The following PREX2 variants were observed in gnomAD, a reference collection of about 807,000 sequenced individuals.
PREX2 encodes phosphatidylinositol-3,4,5-trisphosphate dependent Rac exchange factor 2.
Under a neutral mutation model 203.2 loss-of-function variants are expected in PREX2, and 107 were observed. That is an observed-to-expected ratio of 0.53 (90% CI 0.45 to 0.62). The LOEUF is 0.62. Among genes scored for constraint, PREX2 ranks in the 20% least tolerant of loss-of-function variants. PREX2 has a pLI of 0.00. For synonymous variants in PREX2, 672 were observed against 663.6 expected (o/e 1.01, Z -0.19); for missense variants, 1,777 against 1,955.9 (o/e 0.91, Z 1.72).
Position 68,038,152 on chromosome 8 carries a change from G to A in PREX2, c.706-7G>A, listed in dbSNP as rs752912628. On this transcript the variant is annotated splice_region_variant and splice_polypyrimidine_tract_variant and intron_variant, in intron 6 of 39. Transcript: ENST00000288368. Reference sequence around the variant, plus strand: ...AGCAGACATTAATTGCATTTCTCCTGACTTAGGGGTCCAACATCACTGACA... The same window carrying A: ...AGCAGACATTAATTGCATTTCTCCTAACTTAGGGGTCCAACATCACTGACA... 5.2e-5 allele frequency: 84 copies of A among 1,612,462 alleles called. No individual in the cohort carries two copies. The highest frequency in any genetic ancestry group is 7.1e-5 in the Non-Finnish European group (84 of 1,179,086).
chr8:67,965,546 T>TAC (rs1048420884), intron 1 of PREX2, among the ~76,000 whole-genome samples: 10 of 152,092 alleles, frequency 6.6e-5, no homozygotes, highest in Admixed American at 4.6e-4. Context: ...TGTATATATA[T>TAC]ACACACACAC....
intron 3 of PREX2, among the ~76,000 whole-genome samples, chr8:68,020,168 A>C (rs1215981496): frequency 6.6e-6 from 1 of 152,184 alleles, no homozygotes; most frequent in Non-Finnish European, 1.5e-5. Context: ...GTGCAGATGC[A>C]ATAACCAGCC....
At chr8:68,079,629 G>A (rs949458663) in intron 15 of PREX2, among the ~76,000 whole-genome samples, 7 of 148,942 alleles carry the variant, frequency 4.7e-5, no homozygotes, top group African/African-American at 1.7e-4. Flanking sequence ...AAGGTATTAA[G>A]GACAGAGAAA....
chr8:68,058,992 TAAC>T (rs10558889), intron 10 of PREX2, among the ~76,000 whole-genome samples: 44,954 of 151,892 alleles, frequency 0.3, 6,782 homozygotes, highest in Admixed American at 0.32. Context: ...AAAAAAAAAT[TAAC>T]AACTTTTTCT....
intron 6 of PREX2, 55 bp downstream of exon 6, chr8:68,030,713 C>G: frequency 6.4e-7 from 1 of 1,552,074 alleles, no homozygotes; most frequent in African/African-American, 1.4e-5. Flanking sequence ...TTGCAGGCCT[C>G]GTGCAGAATT....
chr8:68,196,494 C>CAT (rs1417021461), intron 37 of PREX2, among the ~76,000 whole-genome samples: 1 of 146,844 alleles, frequency 6.8e-6, no homozygotes, highest in African/African-American at 2.5e-5. Flanking sequence ...TATATATGTA[C>CAT]ATATATATAG....
chr8:68,080,335 A>G, intron 15 of PREX2, 108 bp from the exon 16 acceptor site: 1 of 944,638 alleles, frequency 1.1e-6, no homozygotes, highest in Non-Finnish European at 1.6e-6. Context: ...CTAGGAGTAT[A>G]AAGTTGAGGT....
chr8:68,053,834 C>T (rs527831249), intron 9 of PREX2, among the ~76,000 whole-genome samples: 4 of 152,080 alleles, frequency 2.6e-5, no homozygotes, highest in Non-Finnish European at 4.4e-5. Context: ...TATGAGGAGG[C>T]CTAGCTCCAA....
At position 68,120,211 on chromosome 8, in the gene PREX2, A is replaced by G. The variant is rs1158732139; in HGVS notation, c.3520A>G (p.Asn1174Asp). The G allele has an allele frequency of 6.2e-7, 1 of 1,611,980 alleles. No homozygotes were observed. Residue 1174 changes from asparagine (N) to aspartate (D), a missense_variant, in exon 29 of 40, where the codon AAT becomes GAT. By Grantham distance (23) the Asn-to-Asp change is conservative (BLOSUM62 1). Coordinates refer to ENST00000288368, the MANE Select transcript of PREX2 (RefSeq NM_024870.4). The stretch of plus-strand genomic sequence containing the variant: ...CTATTGATAGGTGGATTCAATTACC[A>G]ATCTCCTAAAAGGGCAGGCTGTTGT... ...HLFSQVDSIT[N>D]LLKGQAVVRA...
intron 6 of PREX2, among the ~76,000 whole-genome samples, chr8:68,036,938 T>C (rs1808052786): frequency 6.6e-6 from 1 of 151,732 alleles, no homozygotes; most frequent in African/African-American, 2.4e-5. Context: ...GAAACTCCAT[T>C]TCAAAAAAAA....
intron 35 of PREX2, among the ~76,000 whole-genome samples, chr8:68,164,557 CT>C (rs892656899): frequency 2.0e-5 from 3 of 148,356 alleles, no homozygotes; most frequent in Non-Finnish European, 3.0e-5. Context: ...GGTGATCTGG[CT>C]TTTTTTTCTT....
At chr8:67,979,751 T>C (rs944987343) in intron 1 of PREX2, among the ~76,000 whole-genome samples, 3 of 152,258 alleles carry the variant, frequency 2.0e-5, no homozygotes, top group African/African-American at 7.2e-5. Flanking sequence ...GATTTATCCT[T>C]ACTTCTTTAG....
chr8:68,060,774 A>G lies in PREX2; in HGVS notation c.1334A>G (p.His445Arg), dbSNP rs1290394880. 2 of 1,593,532 alleles carry G rather than the reference A, an allele frequency of 1.3e-6. No individual in the cohort carries two copies. Among genetic ancestry groups the G allele is most frequent in the Non-Finnish European group, 1.7e-6 (2 of 1,164,386 alleles). ...GCATTATTAGAAAATGGAATCATTC[A>G]CCATGGTAATTACTTTATTATTAAT... ...GQALLENGIIHHVTDKHQFKP... is the reference protein window; with the variant it reads ...GQALLENGIIRHVTDKHQFKP... Residue 445 changes from histidine (H) to arginine (R), a missense_variant, in exon 11 of 40, where the codon CAC becomes CGC. Physicochemically the swap from His to Arg is conservative, Grantham distance 29. Transcript: ENST00000288368.
At chr8:68,184,824 A>G (rs930790926) in intron 35 of PREX2, among the ~76,000 whole-genome samples, 2 of 152,152 alleles carry the variant, frequency 1.3e-5, no homozygotes, top group African/African-American at 4.8e-5. Context: ...ATTTCCTATG[A>G]CAAAATAAAT....
At chr8:68,209,098 A>G (rs1437124329) in intron 37 of PREX2, among the ~76,000 whole-genome samples, 1 of 151,578 alleles carries the variant, frequency 6.6e-6, no homozygotes, top group South Asian at 2.1e-4. Flanking sequence ...AAAGAAAGAA[A>G]AAAGAAAAAA....
chr8:68,127,465 G>A (rs748285158), intron 31 of PREX2, 46 bp downstream of exon 31: 2 of 1,415,860 alleles, frequency 1.4e-6, no homozygotes, highest in South Asian at 1.2e-5. Context: ...AGTGATTGTG[G>A]CCCAGGATCA....
intron 1 of PREX2, among the ~76,000 whole-genome samples, chr8:67,995,078 T>G (rs891792980): frequency 1.3e-5 from 2 of 152,122 alleles, no homozygotes; most frequent in Non-Finnish European, 2.9e-5. Context: ...TTCCTTTTCT[T>G]TTTTAAGACT....
At chr8:68,226,050 G>T (rs1414191307) in intron 39 of PREX2, among the ~76,000 whole-genome samples, 1 of 152,202 alleles carries the variant, frequency 6.6e-6, no homozygotes, top group South Asian at 2.1e-4. Flanking sequence ...TCTTTATTGG[G>T]TGATGTTAAA....
chr8:68,076,900 G>A (rs1233657821), intron 14 of PREX2, among the ~76,000 whole-genome samples: 1 of 151,950 alleles, frequency 6.6e-6, no homozygotes, highest in Non-Finnish European at 1.5e-5. Flanking sequence ...TCAGCCAAAC[G>A]ATTTACTTGT....
Sources: gnomAD v4.1 joint callset for allele counts (sites outside exome capture counted in the v4.1 genomes callset) on GRCh38, gnomAD v4.1.1 for gene constraint, MANE v1.5 for transcripts, NCBI Gene and HGNC (gene_info 2026-07-23, HGNC 2026-07-21) for gene names.